Variants in EYS observed in about 807,000 individuals in gnomAD.
EYS encodes the protein protein eyes shut homolog.
A neutral mutation model predicts 282.1 loss-of-function variants in EYS; 250 were observed. That is an observed-to-expected ratio of 0.89 (90% CI 0.80 to 0.98). EYS has a LOEUF of 0.98. Ranked by LOEUF, EYS falls within the 50% of genes least tolerant of loss-of-function variation. The probability of loss-of-function intolerance (pLI) is 0.00; values close to 1 mark genes in which losing one functional copy is unlikely to be tolerated. For synonymous variants in EYS, 1,355 were observed against 1,282.9 expected, an observed-to-expected ratio of 1.06 and a Z score of -1.20; for missense variants, 4,016 against 3,709.0, an observed-to-expected ratio of 1.08 and a Z score of -2.15.
intron 2 of EYS, among the ~76,000 whole-genome samples, chr6:65,576,389 T>C (rs539896192): frequency 3.3e-5 from 5 of 151,984 alleles, no homozygotes; most frequent in African/African-American, 1.2e-4. Context: ...TCTTCTATTA[T>C]AAAAACTCTC....
rs183537888 is a variant in EYS, at chr6:65,611,985, A to T, written c.-333+27793T>A. On this transcript the variant is annotated intron_variant, in intron 2 of 42. Transcript: ENST00000503581. ...CAAAATTTATCTAGTAATATAGAAA[A>T]CATTATTTGCATATATAAGCCATTT... Among the ~76,000 whole-genome samples the T allele has an allele frequency of 1.6e-3, 242 of 152,118 alleles. 2 individuals are homozygous for T. The highest frequency in any genetic ancestry group is 4.3e-3 in the South Asian group (21 of 4,828).
intron 26 of EYS, among the ~76,000 whole-genome samples, chr6:64,493,984 G>A (rs537563465): frequency 6.6e-6 from 1 of 151,642 alleles, no homozygotes; most frequent in East Asian, 2.0e-4. Flanking sequence ...CTGAAGGAAG[G>A]TATTATTTCA....
intron 30 of EYS, among the ~76,000 whole-genome samples, chr6:64,237,794 A>C (rs1308293345): frequency 6.6e-6 from 1 of 152,204 alleles, no homozygotes; most frequent in African/African-American, 2.4e-5. Flanking sequence ...ATGAGAGCAA[A>C]GCAATACAGA....
intron 22 of EYS, among the ~76,000 whole-genome samples, chr6:64,644,267 C>G (rs1313521582): frequency 6.6e-6 from 1 of 152,070 alleles, no homozygotes; most frequent in Admixed American, 6.5e-5. Context: ...AATGGAGCAT[C>G]CCAGTTTTAT....
At chr6:65,143,836 G>A (rs537894388) in intron 12 of EYS, among the ~76,000 whole-genome samples, 6 of 152,112 alleles carry the variant, frequency 3.9e-5, no homozygotes, top group African/African-American at 1.4e-4. Flanking sequence ...GCTATCATCT[G>A]GCACAGAATC....
chr6:65,568,469 C>T (rs1261475991), intron 2 of EYS, among the ~76,000 whole-genome samples: 1 of 152,018 alleles, frequency 6.6e-6, no homozygotes, highest in Non-Finnish European at 1.5e-5. Context: ...TTTTCAATGA[C>T]TCTTTAAGGG....
rs577689736 is a variant in EYS, at chr6:65,579,321, T to C, written c.-333+60457A>G. Reference sequence around the variant, plus strand: ...TTGAAATACAAGGATTTCCAAAGTATAATTTTAGTGAAGAAAAGGGGGAAT... The same window carrying C: ...TTGAAATACAAGGATTTCCAAAGTACAATTTTAGTGAAGAAAAGGGGGAAT... On this transcript the variant is annotated intron_variant, in intron 2 of 42. Transcript: ENST00000503581. Among the ~76,000 whole-genome samples, 3 of 152,238 alleles carry C rather than the reference T, an allele frequency of 2.0e-5. No homozygotes were observed. In the East Asian group the frequency reaches 5.8e-4, roughly 29 times the overall value.
intron 31 of EYS, among the ~76,000 whole-genome samples, chr6:64,133,621 T>C (rs1207054436): frequency 6.6e-6 from 1 of 151,858 alleles, no homozygotes; most frequent in Non-Finnish European, 1.5e-5. Flanking sequence ...GTTTTAAACT[T>C]TATTTTCTCC....
intron 26 of EYS, among the ~76,000 whole-genome samples, chr6:64,496,968 G>A (rs911969890): frequency 2.0e-5 from 3 of 151,888 alleles, no homozygotes; most frequent in Non-Finnish European, 4.4e-5. Flanking sequence ...AATGAATTAT[G>A]GAAGTGAATT....
intron 12 of EYS, among the ~76,000 whole-genome samples, chr6:65,062,555 A>G (rs1773609459): frequency 6.6e-6 from 1 of 151,984 alleles, no homozygotes; most frequent in Non-Finnish European, 1.5e-5. Flanking sequence ...AAGAAAGTTA[A>G]TGGCAGTACT....
At chr6:64,394,935 GA>G (rs1432982726) in intron 28 of EYS, among the ~76,000 whole-genome samples, 2 of 151,936 alleles carry the variant, frequency 1.3e-5, no homozygotes, top group South Asian at 2.1e-4. Context: ...AAATTTACAA[GA>G]AAAAAACAAA....
At chr6:64,228,794 C>T (rs957584886) in intron 31 of EYS, among the ~76,000 whole-genome samples, 10 of 152,224 alleles carry the variant, frequency 6.6e-5, no homozygotes, top group Middle Eastern at 6.8e-3. Flanking sequence ...CCTTGCTTAA[C>T]TCCAAAAATC....
At chr6:65,273,459 C>T (rs1006427671) in intron 12 of EYS, among the ~76,000 whole-genome samples, 1 of 151,174 alleles carries the variant, frequency 6.6e-6, no homozygotes, top group Non-Finnish European at 1.5e-5. Flanking sequence ...AAGAAAAGAA[C>T]AAACTTTACT....
chr6:64,904,485 A>G (rs1437588616), intron 16 of EYS, among the ~76,000 whole-genome samples: 1 of 152,200 alleles, frequency 6.6e-6, no homozygotes, highest in Non-Finnish European at 1.5e-5. Flanking sequence ...TGTAAATGCC[A>G]TAGTACAGAT....
At chr6:63,829,840 G>C (rs1373056812) in intron 36 of EYS, among the ~76,000 whole-genome samples, 1 of 152,224 alleles carries the variant, frequency 6.6e-6, no homozygotes, top group Non-Finnish European at 1.5e-5. Context: ...ACCTCATAGA[G>C]CTAGGTGCCC....
intron 2 of EYS, among the ~76,000 whole-genome samples, chr6:65,622,340 T>G (rs893706749): frequency 6.6e-6 from 1 of 152,206 alleles, no homozygotes; most frequent in Non-Finnish European, 1.5e-5. Flanking sequence ...CCAACTTAAA[T>G]TACCTTGAAA....
intron 14 of EYS, among the ~76,000 whole-genome samples, chr6:64,952,885 A>G (rs1348957115): frequency 6.6e-6 from 1 of 151,994 alleles, no homozygotes; most frequent in South Asian, 2.1e-4. Flanking sequence ...TTCAACAATT[A>G]TCATCAATAA....
intron 1 of EYS, among the ~76,000 whole-genome samples, chr6:65,700,040 G>A (rs1413545251): frequency 4.7e-5 from 7 of 148,242 alleles, no homozygotes; most frequent in South Asian, 4.4e-4. Flanking sequence ...GCGTGAACCC[G>A]GGAGGCAGAG....
chr6:64,640,284 G>A, intron 22 of EYS, among the ~76,000 whole-genome samples: 1 of 148,692 alleles, frequency 6.7e-6, no homozygotes. Flanking sequence ...GTTTATTGCG[G>A]CACTATTCAC....
Sources: gnomAD v4.1 joint callset for allele counts (sites outside exome capture counted in the v4.1 genomes callset) on GRCh38, gnomAD v4.1.1 for gene constraint, MANE v1.5 for transcripts, NCBI Gene and HGNC (gene_info 2026-07-23, HGNC 2026-07-21) for gene names.